GRSF1: variants seen among roughly 807,000 people sequenced by gnomAD.
The protein encoded by GRSF1 is G-rich sequence factor 1.
A neutral mutation model predicts 51.1 loss-of-function variants in GRSF1; 50 were observed. The observed-to-expected ratio is 0.98, with a 90% CI of 0.78 to 1.24. GRSF1 has a LOEUF of 1.24. Among genes scored for constraint, GRSF1 ranks in the 50% most tolerant of loss-of-function variants. The probability of loss-of-function intolerance (pLI) is 0.00; values close to 1 mark genes in which losing one functional copy is unlikely to be tolerated. For synonymous variants in GRSF1, 293 were observed against 253.3 expected, an observed-to-expected ratio of 1.16 and a Z score of -1.49; for missense variants, 700 against 639.7, an observed-to-expected ratio of 1.09 and a Z score of -1.02.
At position 70,839,817 on chromosome 4, in the gene GRSF1, G is replaced by A. The variant is rs1032312621; in HGVS notation, c.11C>T (p.Thr4Met). 3.3e-6 allele frequency: 5 copies of A among 1,498,592 alleles called. No individual in the cohort carries two copies. Among genetic ancestry groups the A allele is most frequent in the African/African-American group, 2.9e-5 (2 of 68,890 alleles). 92.8% of individuals were successfully genotyped at this position (1,498,592 alleles called of 1,614,324 possible). MAG[T>M]RWVLGALLRG... is the part of the protein sequence containing the mutation. ...GAGCAGCGCCCCGAGTACCCAGCGC[G>A]TGCCGGCCATGGACTCCGGAGGCGG... The change falls in exon 1 of 10, where the codon ACG becomes ATG. Residue 4 changes from threonine (T) to methionine (M), a missense_variant. By Grantham distance (81) the Thr-to-Met change is moderately conservative (BLOSUM62 -1). Transcript: ENST00000254799.
At chr4:70,832,583 AG>A (rs1734028062) in intron 3 of GRSF1, 133 bp from the exon 4 acceptor site, 4 of 590,614 alleles carry the variant, frequency 6.8e-6, no homozygotes, top group African/African-American at 5.6e-5. Context: ...GCTTCTCTAG[AG>A]AAAATAACAA....
chr4:70,839,312 C>T, intron 1 of GRSF1, 159 bp downstream of exon 1: 1 of 1,502,172 alleles, frequency 6.7e-7, no homozygotes, highest in Middle Eastern at 1.7e-4. Flanking sequence ...GTTCCAGGGC[C>T]CAATAGGAGC....
intron 9 of GRSF1, among the ~76,000 whole-genome samples, chr4:70,822,666 G>A (rs1366913514): frequency 6.6e-6 from 1 of 151,488 alleles, no homozygotes; most frequent in Admixed American, 6.6e-5. Context: ...AAAAGCTAAT[G>A]CAAGTCACAT....
chr4:70,831,823 C>A, intron 4 of GRSF1, 149 bp from the exon 5 acceptor site: 1 of 603,696 alleles, frequency 1.7e-6, no homozygotes, highest in Non-Finnish European at 2.7e-6. Context: ...ATTATGCAGT[C>A]AAAAGTCAGT....
intron 1 of GRSF1, among the ~76,000 whole-genome samples, chr4:70,838,219 CA>C (rs35303311): frequency 8.0e-4 from 76 of 94,596 alleles, no homozygotes; most frequent in African/African-American, 2.5e-3. Context: ...ACTCGGTCTC[CA>C]AAAAAAAAAA....
rs1369409581 is a variant in GRSF1, at chr4:70,816,576, TA to T, written c.*4310del. ...CCATCTCTACTAAAAATACAAAAATTAGTCAGGCGTGGTGGTGCACATCTGT... is the reference window on the plus strand; with the variant it reads ...CCATCTCTACTAAAAATACAAAAATTGTCAGGCGTGGTGGTGCACATCTGT... On this transcript the variant is annotated 3_prime_UTR_variant, in exon 10 of 10. Transcript: ENST00000254799. 1 of 148,174 alleles carries T rather than the reference TA, an allele frequency of 6.7e-6. No homozygotes were observed. The highest frequency in any genetic ancestry group is 1.5e-5 in the Non-Finnish European group (1 of 66,880). 9.2% of individuals were successfully genotyped at this position (148,174 alleles called of 1,614,324 possible).
chr4:70,820,059 ATTAATTT>A lies in GRSF1; in HGVS notation c.*821_*827del. On this transcript the variant is annotated 3_prime_UTR_variant, in exon 10 of 10. Coordinates refer to ENST00000254799, the MANE Select transcript of GRSF1 (RefSeq NM_002092.4). ...AGCTGGTTTAAATTCAAGTGAAGCCATTAATTTTCTTACCAGTCTGGACTGTTCTGAC... is the reference window on the plus strand; with the variant it reads ...AGCTGGTTTAAATTCAAGTGAAGCCATCTTACCAGTCTGGACTGTTCTGAC... The A allele has an allele frequency of 6.6e-6, 1 of 152,458 alleles. No individual in the cohort carries two copies. Among genetic ancestry groups the A allele is most frequent in the Non-Finnish European group, 1.5e-5 (1 of 68,040 alleles). The allele number at this position is 152,458 out of a possible 1,614,324, so 9.4% of individuals were successfully genotyped here. A position where few individuals can be genotyped will look rare whatever the true frequency, so the allele number is the denominator to read the frequency against.
chr4:70,839,637 C>A lies in GRSF1; in HGVS notation c.191G>T (p.Arg64Leu). The A allele has an allele frequency of 7.1e-7, 1 of 1,398,660 alleles. No individual in the cohort carries two copies. The highest frequency in any genetic ancestry group is 1.6e-5 in the South Asian group (1 of 63,572). 86.6% of individuals were successfully genotyped at this position (1,398,660 alleles called of 1,614,324 possible). The change falls in exon 1 of 10, where the codon CGT becomes CTT. Residue 64 changes from arginine to leucine, a missense_variant. Arg to Leu is a moderately radical substitution (Grantham distance 102, BLOSUM62 -2). Transcript: ENST00000254799. ...GAAAAAASQTRGLQTGPVPPG... is the reference protein window; with the variant it reads ...GAAAAAASQTLGLQTGPVPPG... ...AGGCACAGGCCCGGTCTGGAGGCCA[C>A]GCGTCTGGGAGGCAGCGGCCGCGGC...
chr4:70,829,513 G>A (rs767088119), intron 5 of GRSF1, among the ~76,000 whole-genome samples: 2 of 152,074 alleles, frequency 1.3e-5, no homozygotes, highest in African/African-American at 4.8e-5. Context: ...AATTAGCTGG[G>A]TGTGGTGGCA....
chr4:70,830,688 G>A (rs1346587516), intron 5 of GRSF1, among the ~76,000 whole-genome samples: 5 of 151,626 alleles, frequency 3.3e-5, no homozygotes, highest in Admixed American at 6.6e-5. Flanking sequence ...GCATGGTGGC[G>A]CATGCCTCTA....
chr4:70,825,224 A>G lies in GRSF1; in HGVS notation c.1393+72T>C, dbSNP rs770059272. 20 of 1,307,058 alleles carry G rather than the reference A, an allele frequency of 1.5e-5. No homozygotes were observed. In the African/African-American group the frequency reaches 2.5e-4, roughly 16 times the overall value. 81.0% of individuals were successfully genotyped at this position (1,307,058 alleles called of 1,614,324 possible). Reference sequence around the variant, plus strand: ...TCTCAAGGAAAAATTCTACAATCCCAAAACAGAAAAAGATATTTGTAAGCA... The same window carrying G: ...TCTCAAGGAAAAATTCTACAATCCCGAAACAGAAAAAGATATTTGTAAGCA... On this transcript the variant is annotated intron_variant, in intron 8 of 9. Transcript: ENST00000254799.
chr4:70,827,943 C>T lies in GRSF1; in HGVS notation c.1044G>A (p.Lys348=). 6.2e-7 allele frequency: 1 copy of T among 1,612,626 alleles called. No individual in the cohort carries two copies. The highest frequency in any genetic ancestry group is 1.1e-5 in the South Asian group (1 of 91,016). ...AGACCATTTCTGGCTCAGTTATATA[C>T]TTAGCAGTAGGAAAAGATGCGATTT... is the stretch of plus-strand genomic sequence containing the variant. The part of the protein sequence containing the change: ...GKKIASFPTA[K]YITEPEMVFE... The change falls in exon 6 of 10, where the codon AAG becomes AAA. Residue 348 remains lysine, a synonymous_variant. Coordinates refer to ENST00000254799, the MANE Select transcript of GRSF1 (RefSeq NM_002092.4).
Position 70,824,275 on chromosome 4 carries a change from T to A in GRSF1, c.*25+19A>T. The A allele has an allele frequency of 9.7e-7, 1 of 1,030,902 alleles. No individual in the cohort carries two copies. The highest frequency in any genetic ancestry group is 1.5e-6 in the Non-Finnish European group (1 of 668,990). 63.9% of individuals were successfully genotyped at this position (1,030,902 alleles called of 1,614,324 possible). On this transcript the variant is annotated intron_variant, in intron 9 of 9. Transcript: ENST00000254799. ...GTGAGCCACTGCACCCAGCCCACAGTATTACCTCTTAAATTTACCTTATTA... is the reference window on the plus strand; with the variant it reads ...GTGAGCCACTGCACCCAGCCCACAGAATTACCTCTTAAATTTACCTTATTA...
intron 8 of GRSF1, among the ~76,000 whole-genome samples, chr4:70,825,090 AAAAG>A (rs1000957752): frequency 3.3e-5 from 5 of 152,216 alleles, no homozygotes; most frequent in South Asian, 2.1e-4. Context: ...TGACAAAAAA[AAAAG>A]AAAGAAAGAG....
rs1280861306 is a variant in GRSF1, at chr4:70,820,639, C to A, written c.*248G>T. On this transcript the variant is annotated 3_prime_UTR_variant, in exon 10 of 10. Transcript: ENST00000254799. ...TAAAACAAAGACCATATTTTTAAAT[C>A]AGATCCTGGACAGTTTAAACAAAAA... is the stretch of plus-strand genomic sequence containing the variant. 6.6e-6 allele frequency: 1 copy of A among 152,318 alleles called. No individual in the cohort carries two copies. The highest frequency in any genetic ancestry group is 2.4e-5 in the African/African-American group (1 of 41,446). The allele number at this position is 152,318 out of a possible 1,614,324, so 9.4% of individuals were successfully genotyped here.
At position 70,827,855 on chromosome 4, in the gene GRSF1, T is replaced by G. The variant is rs761260495; in HGVS notation, c.1132A>C (p.Ile378Leu). 2.5e-6 allele frequency: 4 copies of G among 1,606,054 alleles called. No individual in the cohort carries two copies. Among genetic ancestry groups the G allele is most frequent in the Non-Finnish European group, 3.4e-6 (4 of 1,174,188 alleles). The change falls in exon 6 of 10, where the codon ATA becomes CTA. Residue 378 changes from isoleucine to leucine, a missense_variant. By Grantham distance (5) the Ile-to-Leu change is conservative. Coordinates refer to ENST00000254799, the MANE Select transcript of GRSF1 (RefSeq NM_002092.4). ...PMTAFESEKE[I>L]ELPKEVPEKL... ...TCAAGAAGAGGCAGGACCTTACCTA[T>G]TTCCTTCTCACTTTCAAAAGCTGTC...
chr4:70,826,637 C>T (rs548102904), intron 6 of GRSF1, among the ~76,000 whole-genome samples: 9 of 151,620 alleles, frequency 5.9e-5, no homozygotes, highest in African/African-American at 1.9e-4. Flanking sequence ...CCCAGGAGTT[C>T]GAGACCAGCC....
intron 2 of GRSF1, among the ~76,000 whole-genome samples, chr4:70,835,218 C>G (rs187784284): frequency 0.027 from 4,052 of 151,250 alleles, 80 homozygotes; most frequent in Middle Eastern, 0.054. Flanking sequence ...CCGAGGCAGG[C>G]AGATCACAAG....
chr4:70,830,981 T>C (rs1733943217), intron 5 of GRSF1, among the ~76,000 whole-genome samples: 1 of 152,106 alleles, frequency 6.6e-6, no homozygotes, highest in Non-Finnish European at 1.5e-5. Context: ...ATGAAGCAAA[T>C]ATAACAGATG....
Sources: allele counts gnomAD v4.1 joint callset (sites outside exome capture counted in the v4.1 genomes callset), GRCh38; gene constraint gnomAD v4.1.1; transcripts MANE v1.5; gene names NCBI Gene and HGNC (gene_info 2026-07-23, HGNC 2026-07-21).